CDC73: variants seen among roughly 807,000 people sequenced by gnomAD.
The protein encoded by CDC73 is cell division cycle 73.
A neutral mutation model predicts 83.7 loss-of-function variants in CDC73; 21 were observed. The ratio of observed to expected loss-of-function variants is 0.25; its 90% CI spans 0.18 to 0.36. The LOEUF (loss-of-function observed/expected upper bound fraction) is 0.36. Among genes scored for constraint, CDC73 ranks in the 10% least tolerant of loss-of-function variants. The pLI is 1.00. For synonymous variants in CDC73, 224 were observed against 212.9 expected (o/e 1.05, Z -0.45); for missense variants, 342 against 653.3 (o/e 0.52, Z 5.19).
At chr1:193,139,984 C>T (rs2103125057) in intron 6 of CDC73, among the ~76,000 whole-genome samples, 1 of 152,270 alleles carries the variant, frequency 6.6e-6, no homozygotes, top group Non-Finnish European at 1.5e-5. Context: ...AGTCAGAATT[C>T]TGCTGGGGTA....
Position 193,187,451 on chromosome 1 carries a change from ACTC to A in CDC73, c.973-16343_973-16341del, listed in dbSNP as rs1676834054. Reference sequence around the variant, plus strand: ...GAGGCAGATTTTATTAACACTACACACTCACTGAGATTTTTCTAATATGGTTAG... The same window carrying A: ...GAGGCAGATTTTATTAACACTACACAACTGAGATTTTTCTAATATGGTTAG... On this transcript the variant is annotated intron_variant, in intron 10 of 16. Transcript: ENST00000367435. Among the ~76,000 whole-genome samples the A allele has an allele frequency of 2.0e-5, 3 of 152,158 alleles. No individual in the cohort carries two copies. The South Asian group carries it at 6.2e-4, about 32-fold the overall frequency.
At chr1:193,144,815 CTTTT>C (rs34816338) in intron 7 of CDC73, among the ~76,000 whole-genome samples, 11 of 139,200 alleles carry the variant, frequency 7.9e-5, no homozygotes, top group African/African-American at 2.7e-4. Context: ...ATTTGGCAGA[CTTTT>C]TTTTTTTTTT....
chr1:193,208,239 C>G (rs569694503), intron 11 of CDC73, among the ~76,000 whole-genome samples: 24 of 152,278 alleles, frequency 1.6e-4, no homozygotes, highest in African/African-American at 5.5e-4. Context: ...TTCTTTATCT[C>G]CACTACCACA....
intron 10 of CDC73, among the ~76,000 whole-genome samples, chr1:193,198,228 T>C (rs905531903): frequency 2.6e-5 from 4 of 152,120 alleles, no homozygotes; most frequent in Non-Finnish European, 5.9e-5. Flanking sequence ...ATTAGGGAAT[T>C]ATATAGTATA....
At chr1:193,180,393 C>T in intron 10 of CDC73, 1 of 1,613,726 alleles carries the variant, frequency 6.2e-7, no homozygotes, top group Non-Finnish European at 8.5e-7. Context: ...AGTATTTTAT[C>T]AGTTCACTAG....
intron 11 of CDC73, among the ~76,000 whole-genome samples, chr1:193,204,292 T>A (rs1375742285): frequency 3.9e-4 from 57 of 147,250 alleles, no homozygotes; most frequent in Non-Finnish European, 5.7e-4. Flanking sequence ...TATATATTTT[T>A]TTTTTTTCTT....
At chr1:193,195,241 G>A (rs555451599) in intron 10 of CDC73, among the ~76,000 whole-genome samples, 4 of 152,096 alleles carry the variant, frequency 2.6e-5, no homozygotes, top group Admixed American at 6.5e-5. Context: ...CAGAAACACC[G>A]TCACAAACCC....
intron 11 of CDC73, among the ~76,000 whole-genome samples, chr1:193,207,715 C>T (rs893124846): frequency 2.0e-5 from 3 of 152,152 alleles, no homozygotes; most frequent in African/African-American, 4.8e-5. Context: ...TTGTTATTCT[C>T]TTCTTTTTCA....
intron 10 of CDC73, chr1:193,180,783 T>G: frequency 6.2e-7 from 1 of 1,614,122 alleles, no homozygotes; most frequent in East Asian, 2.2e-5. Flanking sequence ...TGATTAAATA[T>G]TCAGTGTTGA....
chr1:193,140,730 G>T (rs6665739), intron 6 of CDC73, among the ~76,000 whole-genome samples: 6,386 of 152,208 alleles, frequency 0.042, 427 homozygotes, highest in African/African-American at 0.15. Context: ...TCCCAGGCAG[G>T]ACAGTACAAG....
intron 2 of CDC73, among the ~76,000 whole-genome samples, chr1:193,127,289 A>ATTGTG (rs1553277970): frequency 7.0e-6 from 1 of 143,188 alleles, no homozygotes; most frequent in East Asian, 2.0e-4. Context: ...AAAAAAAAAA[A>ATTGTG]TGTGTGTGTG....
At chr1:193,146,356 A>G (rs1418538552) in intron 7 of CDC73, among the ~76,000 whole-genome samples, 1 of 152,202 alleles carries the variant, frequency 6.6e-6, no homozygotes, top group Admixed American at 6.5e-5. Context: ...GCTGCTGTGG[A>G]TATCACAGAC....
intron 6 of CDC73, 135 bp downstream of exon 6, chr1:193,138,308 T>G: frequency 2.8e-6 from 2 of 712,884 alleles, no homozygotes. Flanking sequence ...CTTAAGTTCG[T>G]AAGAACATGT....
At chr1:193,155,136 C>T (rs1676184465) in intron 10 of CDC73, among the ~76,000 whole-genome samples, 2 of 152,138 alleles carry the variant, frequency 1.3e-5, no homozygotes, top group African/African-American at 4.8e-5. Context: ...CAGATAATTT[C>T]CTATATATAT....
intron 10 of CDC73, among the ~76,000 whole-genome samples, chr1:193,171,116 T>C (rs10754052): frequency 0.72 from 110,115 of 152,116 alleles, 40,129 homozygotes; most frequent in South Asian, 0.82. Flanking sequence ...CAAGAAAGAA[T>C]TAGCCTCTGC....
chr1:193,142,133 G>T, intron 7 of CDC73, 67 bp downstream of exon 7: 1 of 1,321,096 alleles, frequency 7.6e-7, no homozygotes, highest in Non-Finnish European at 1.1e-6. Flanking sequence ...TTAATCTGTG[G>T]TTATAGAATT....
chr1:193,163,523 G>A (rs889384216), intron 10 of CDC73, among the ~76,000 whole-genome samples: 2 of 151,674 alleles, frequency 1.3e-5, no homozygotes, highest in African/African-American at 4.8e-5. Flanking sequence ...AAAAAAAGAA[G>A]TTACTTTAAG....
intron 2 of CDC73, 132 bp downstream of exon 2, chr1:193,125,349 C>G (rs1006393693): frequency 2.9e-6 from 2 of 690,342 alleles, no homozygotes; most frequent in African/African-American, 3.5e-5. Context: ...GCCTCGAACT[C>G]CTAGGCTCAA....
At chr1:193,159,233 T>TA (rs1419600511) in intron 10 of CDC73, among the ~76,000 whole-genome samples, 1 of 152,214 alleles carries the variant, frequency 6.6e-6, no homozygotes, top group Non-Finnish European at 1.5e-5. Flanking sequence ...GCCTGTTTGT[T>TA]ACAGCAAATT....
Sources: allele counts gnomAD v4.1 joint callset (sites outside exome capture counted in the v4.1 genomes callset), GRCh38; gene constraint gnomAD v4.1.1; transcripts MANE v1.5; gene names NCBI Gene and HGNC (gene_info 2026-07-23, HGNC 2026-07-21).